Variants in CHRND observed in about 807,000 individuals in gnomAD.
CHRND encodes the protein cholinergic receptor nicotinic delta subunit.
Under a neutral mutation model 57.8 loss-of-function variants are expected in CHRND, and 40 were observed. The observed-to-expected ratio is 0.69, with a 90% CI of 0.54 to 0.90. The LOEUF (loss-of-function observed/expected upper bound fraction) is 0.90. CHRND is among the 40% of genes least tolerant of loss of function. CHRND has a pLI of 0.00. For missense variants in CHRND, 634 were observed against 673.9 expected (o/e 0.94, Z 0.66); for synonymous variants, 237 against 270.6 (o/e 0.88, Z 1.22).
rs1397146599 is a variant in CHRND at position 232,535,603 on chromosome 2, G to C, written c.*291G>C. The C allele has an allele frequency of 1.0e-5, 6 of 602,290 alleles. No homozygotes were observed. Among genetic ancestry groups the C allele is most frequent in the African/African-American group, 7.3e-5 (4 of 55,002 alleles). 37.3% of individuals were successfully genotyped at this position (602,290 alleles called of 1,614,324 possible). On this transcript the variant is annotated 3_prime_UTR_variant, in exon 12 of 12. Transcript: ENST00000258385. ...AGGAGGCCACTCAGGGTGGCCTCAG[G>C]GGGAGAGCTCTGATAGGGGTGAGAC...
intron 3 of CHRND, among the ~76,000 whole-genome samples, chr2:232,527,954 C>T (rs1243399056): frequency 6.6e-6 from 1 of 152,206 alleles, no homozygotes; most frequent in Non-Finnish European, 1.5e-5. Context: ...GATTAGGATT[C>T]ACATGTTGGA....
In CHRND at chr2:232,531,569, CA is replaced by C; in HGVS notation, c.961del (p.Thr321ProfsTer5). 1 of 1,614,090 alleles carries C rather than the reference CA, an allele frequency of 6.2e-7. No homozygotes were observed. The highest frequency in any genetic ancestry group is 8.5e-7 in the Non-Finnish European group (1 of 1,180,032). On this transcript the variant is annotated frameshift_variant, in exon 9 of 12. Transcript: ENST00000258385. LOFTEE classifies it high-confidence loss of function. The stretch of plus-strand genomic sequence containing the variant: ...TCCTGCTCTTCGGCATGGTGCTGGT[CA>C]CCATGGTTGTGGTGATCTGTGTCAT... ...KFLLFGMVLV[T>X]MVVVICVIVL...
Position 232,528,528 on chromosome 2 carries a change from C to T in CHRND, c.381C>T (p.Tyr127=). 6.2e-7 allele frequency: 1 copy of T among 1,614,192 alleles called. No homozygotes were observed. The highest frequency in any genetic ancestry group is 1.1e-5 in the South Asian group (1 of 91,080). ...ATGACGGCTCCTTCCAGATCTCCTA[C>T]TCCTGCAACGTGCTTGTCTACCACT... The part of the protein sequence containing the change: ...NNNDGSFQIS[Y]SCNVLVYHYG... Residue 127 remains tyrosine, a synonymous_variant, in exon 5 of 12, where the codon TAC becomes TAT. Coordinates refer to ENST00000258385, the MANE Select transcript of CHRND (RefSeq NM_000751.3).
chr2:232,527,445 C>T lies in CHRND; in HGVS notation c.243C>T (p.His81=), dbSNP rs115841867. The T allele has an allele frequency of 1.7e-3, 2,688 of 1,612,212 alleles. 53 individuals carry two copies. In the African/African-American group the frequency reaches 0.031, roughly 18 times the overall value. Residue 81 remains histidine (H), a splice_region_variant and synonymous_variant, in exon 3 of 12, where the codon CAC becomes CAT. Coordinates refer to ENST00000258385, the MANE Select transcript of CHRND (RefSeq NM_000751.3). ...ETLTTNVWIE[H]GWTDNRLKWN... ...TCACTACCAATGTGTGGATAGAGCACGTAAGAATGCCCCTCCCAGCCGGGC... is the reference window on the plus strand; with the variant it reads ...TCACTACCAATGTGTGGATAGAGCATGTAAGAATGCCCCTCCCAGCCGGGC...
rs757920150 is a variant in CHRND, at chr2:232,526,650, C to A, written c.174C>A (p.Leu58=). The A allele has an allele frequency of 5.6e-5, 91 of 1,613,532 alleles. No homozygotes were observed. In the South Asian group the frequency reaches 9.8e-4, roughly 17 times the overall value. The change falls in exon 2 of 12, where the codon CTC becomes CTA. Residue 58 remains leucine, a synonymous_variant. Transcript: ENST00000258385. ...AGAGTGTGGACGTTGCCCTGGCCCTCACACTCTCCAACCTCATCTCCCTGG... is the reference window on the plus strand; with the variant it reads ...AGAGTGTGGACGTTGCCCTGGCCCTAACACTCTCCAACCTCATCTCCCTGG... ...KEESVDVALA[L]TLSNLISLKE...
chr2:232,528,740 G>A, intron 5 of CHRND, 84 bp downstream of exon 5: 1 of 1,603,526 alleles, frequency 6.2e-7, no homozygotes, highest in Non-Finnish European at 8.5e-7. Flanking sequence ...CTCAGACAGA[G>A]GCCCCTGCCC....
At chr2:232,528,457 G>C (rs749350891) in intron 4 of CHRND, 44 bp from the exon 5 acceptor site, 4 of 1,613,750 alleles carry the variant, frequency 2.5e-6, no homozygotes, top group Non-Finnish European at 3.4e-6. Context: ...TCTGCCAGTC[G>C]TGAGTGGCCA....
Position 232,534,402 on chromosome 2 carries a change from T to C in CHRND, c.1371+60T>C, listed in dbSNP as rs148034729. The C allele has an allele frequency of 1.5e-4, 230 of 1,528,014 alleles. No individual in the cohort carries two copies. In the African/African-American group the frequency reaches 2.6e-3, roughly 18 times the overall value. The allele number at this position is 1,528,014 out of a possible 1,614,324, so 94.7% of individuals were successfully genotyped here. A position where few individuals can be genotyped will look rare whatever the true frequency, so the allele number is the denominator to read the frequency against. On this transcript the variant is annotated intron_variant, in intron 11 of 11. Transcript: ENST00000258385. ...CAAGTAGGGCACTGATTAAGTGTAT[T>C]CTATCTTAAGAGGGCAGGGTTCCCC...
rs998570631 is a variant in CHRND at position 232,536,019 on chromosome 2, T to C, written c.*707T>C. 2.2e-6 allele frequency: 1 copy of C among 454,158 alleles called. No homozygotes were observed. The highest frequency in any genetic ancestry group is 4.4e-6 in the Non-Finnish European group (1 of 226,810). 28.1% of individuals were successfully genotyped at this position (454,158 alleles called of 1,614,324 possible). ...ACTCCTCTCCAAATTAGGGTTGTCA[T>C]GCATTATTTGGGGCATACATATTCT... On this transcript the variant is annotated 3_prime_UTR_variant, in exon 12 of 12. Coordinates refer to ENST00000258385, the MANE Select transcript of CHRND (RefSeq NM_000751.3).
At position 232,526,627 on chromosome 2, in the gene CHRND, A is replaced by G. The variant is rs766755083; in HGVS notation, c.151A>G (p.Ser51Gly). The change falls in exon 2 of 12, where the codon AGT becomes GGT. Residue 51 changes from serine (S) to glycine (G), a missense_variant. Ser to Gly is a moderately conservative substitution (Grantham distance 56, BLOSUM62 0). Transcript: ENST00000258385. ...CCGGCCCGTGGCACACAAAGAGGAG[A>G]GTGTGGACGTTGCCCTGGCCCTCAC... ...ELRPVAHKEE[S>G]VDVALALTLS... 1 of 1,613,526 alleles carries G rather than the reference A, an allele frequency of 6.2e-7. No individual in the cohort carries two copies. The highest frequency in any genetic ancestry group is 1.1e-5 in the South Asian group (1 of 91,068).
Position 232,526,207 on chromosome 2 carries a change from AGGGAT to A in CHRND, c.-1_4del. On this transcript the variant is annotated 5_prime_UTR_variant, in exon 1 of 12. An upstream start codon of the reference 5' UTR is lost. Transcript: ENST00000258385. ...AGGGGCAGATGCACGTCCCAGTCAG[AGGGAT>A]GGGATGGAGGGGCCAGTGCTGACAC... 6.2e-7 allele frequency: 1 copy of A among 1,611,344 alleles called. No homozygotes were observed.
chr2:232,529,122 G>A, intron 6 of CHRND, 151 bp downstream of exon 6: 2 of 690,084 alleles, frequency 2.9e-6, no homozygotes, highest in Non-Finnish European at 5.3e-6. Context: ...GACACAGAAG[G>A]GCAGACACAT....
intron 8 of CHRND, 25 bp downstream of exon 8, chr2:232,531,488 C>T: frequency 6.2e-7 from 1 of 1,613,474 alleles, no homozygotes; most frequent in Non-Finnish European, 8.5e-7. Flanking sequence ...AGCCCGGCCT[C>T]ACCCTGCTTG....
intron 6 of CHRND, 98 bp from the exon 7 acceptor site, chr2:232,529,841 G>C: frequency 7.5e-7 from 1 of 1,333,812 alleles, no homozygotes. Flanking sequence ...CTGCGTCTCT[G>C]GACTGGCTTG....
At chr2:232,529,896 C>A (rs763290546) in intron 6 of CHRND, 43 bp from the exon 7 acceptor site, 9 of 1,606,106 alleles carry the variant, frequency 5.6e-6, no homozygotes, top group Non-Finnish European at 7.7e-6. Context: ...GCCTAGCCCC[C>A]TTGGCCTGGC....
chr2:232,530,156 C>A lies in CHRND; in HGVS notation c.820+17C>A. The A allele has an allele frequency of 6.2e-7, 1 of 1,613,006 alleles. No homozygotes were observed. The highest frequency in any genetic ancestry group is 8.5e-7 in the Non-Finnish European group (1 of 1,179,308). On this transcript the variant is annotated intron_variant, in intron 7 of 11. Coordinates refer to ENST00000258385, the MANE Select transcript of CHRND (RefSeq NM_000751.3). ...CGGCTGACAGTGAGCCTCCAGGCCC[C>A]GTCCCCTGCTCCCCCTCCCCAAGCC...
chr2:232,535,822 C>A lies in CHRND; in HGVS notation c.*510C>A. 2.2e-6 allele frequency: 1 copy of A among 454,248 alleles called. No individual in the cohort carries two copies. The highest frequency in any genetic ancestry group is 4.4e-6 in the Non-Finnish European group (1 of 226,882). 28.1% of individuals were successfully genotyped at this position (454,248 alleles called of 1,614,324 possible). On this transcript the variant is annotated 3_prime_UTR_variant, in exon 12 of 12. Coordinates refer to ENST00000258385, the MANE Select transcript of CHRND (RefSeq NM_000751.3). ...CAGACCCCAGAGTATCCTTTCCTAG[C>A]TCTTTCTGCCTTGACCTCTCTGCCT...
rs144892083 is a variant in CHRND, at chr2:232,532,340, C to T, written c.1047+684C>T. ...AAAATTAGCCAGGCGTGATAGTGTGCGCTTGTAATCCCAGCTACTCGGGGG... is the reference window on the plus strand; with the variant it reads ...AAAATTAGCCAGGCGTGATAGTGTGTGCTTGTAATCCCAGCTACTCGGGGG... On this transcript the variant is annotated intron_variant, in intron 9 of 11. Transcript: ENST00000258385. Among the ~76,000 whole-genome samples, 775 of 151,660 alleles carry T rather than the reference C, an allele frequency of 5.1e-3. 7 individuals carry two copies. The highest frequency in any genetic ancestry group is 0.018 in the African/African-American group (724 of 41,290).
Position 232,528,330 on chromosome 2 carries a change from C to T in CHRND, c.312C>T (p.Pro104=). 3 of 1,614,094 alleles carry T rather than the reference C, an allele frequency of 1.9e-6. No homozygotes were observed. The highest frequency in any genetic ancestry group is 2.5e-6 in the Non-Finnish European group (3 of 1,180,014). Residue 104 remains proline (P), a synonymous_variant, in exon 4 of 12, where the codon CCC becomes CCT. Coordinates refer to ENST00000258385, the MANE Select transcript of CHRND (RefSeq NM_000751.3). The part of the protein sequence containing the change: ...EFGNISVLRL[P]PDMVWLPEIV... ...GAAACATCAGTGTCCTGCGCCTCCC[C>T]CCGGACATGGTGTGGCTCCCAGAGA... is the stretch of plus-strand genomic sequence containing the variant.
Sources: allele counts gnomAD v4.1 joint callset (sites outside exome capture counted in the v4.1 genomes callset), GRCh38; gene constraint gnomAD v4.1.1; transcripts MANE v1.5; gene names NCBI Gene and HGNC (gene_info 2026-07-23, HGNC 2026-07-21).